Variants in PAM observed in about 807,000 individuals in gnomAD.
The protein encoded by PAM is peptidylglycine alpha-amidating monooxygenase, also known as peptidyl-glycine alpha-amidating monooxygenase.
PAM carries 72 observed loss-of-function variants against 122.1 expected under a neutral mutation model. The ratio of observed to expected loss-of-function variants is 0.59; its 90% CI spans 0.49 to 0.72. The LOEUF (loss-of-function observed/expected upper bound fraction) is 0.72. Ranked by LOEUF, PAM falls within the 30% of genes least tolerant of loss-of-function variation. PAM has a pLI of 0.00. For missense variants in PAM, 1,106 were observed against 1,183.7 expected, an observed-to-expected ratio of 0.93 and a Z score of 0.96; for synonymous variants, 389 against 404.4, an observed-to-expected ratio of 0.96 and a Z score of 0.46.
At chr5:102,878,405 A>G (rs1215396090) in intron 3 of PAM, among the ~76,000 whole-genome samples, 1 of 152,176 alleles carries the variant, frequency 6.6e-6, no homozygotes. Flanking sequence ...TGTATAGTAC[A>G]TAATACTTGA....
chr5:102,908,089 G>T (rs1363826753), intron 4 of PAM, among the ~76,000 whole-genome samples: 3 of 151,950 alleles, frequency 2.0e-5, no homozygotes, highest in Non-Finnish European at 4.4e-5. Context: ...TTTCTTCTAG[G>T]GTTTTTATGG....
chr5:102,904,708 T>C (rs1418827406), intron 4 of PAM, among the ~76,000 whole-genome samples: 3 of 151,622 alleles, frequency 2.0e-5, no homozygotes, highest in Non-Finnish European at 4.4e-5. Flanking sequence ...GACTTTCTCC[T>C]TGAACTTTTC....
chr5:103,030,486 A>T (rs934146349), downstream of PAM: 1 of 152,244 alleles, frequency 6.6e-6, no homozygotes, highest in Non-Finnish European at 1.5e-5. Context: ...ACTAATCATA[A>T]AGTACATGAG....
intron 5 of PAM, among the ~76,000 whole-genome samples, chr5:102,919,110 T>C (rs1275101954): frequency 6.6e-6 from 1 of 152,134 alleles, no homozygotes; most frequent in East Asian, 1.9e-4. Flanking sequence ...ATTCTCAAGC[T>C]AAAGCAGTAG....
chr5:102,932,595 A>G (rs994956046), intron 7 of PAM, among the ~76,000 whole-genome samples: 6 of 149,370 alleles, frequency 4.0e-5, no homozygotes, highest in African/African-American at 1.5e-4. Flanking sequence ...TTGTATATAT[A>G]TATCTGCACT....
chr5:102,869,128 G>A (rs939545383), intron 3 of PAM, among the ~76,000 whole-genome samples: 1 of 152,142 alleles, frequency 6.6e-6, no homozygotes, highest in African/African-American at 2.4e-5. Flanking sequence ...TGATTCCCAA[G>A]AGCTTCCTAC....
chr5:102,888,315 A>G (rs1488128664), intron 3 of PAM, among the ~76,000 whole-genome samples: 2 of 151,872 alleles, frequency 1.3e-5, no homozygotes, highest in African/African-American at 2.4e-5. Context: ...TGCCCATTGT[A>G]TCCTCCTTGC....
chr5:102,873,565 G>A (rs1788206418), intron 3 of PAM: 1 of 152,182 alleles, frequency 6.6e-6, no homozygotes, highest in Non-Finnish European at 1.5e-5. Context: ...CTACAGGCCC[G>A]ACCCTCGTCT....
At position 102,948,482 on chromosome 5, in the gene PAM, T is replaced by G. The variant is rs369498225; in HGVS notation, c.643+37T>G. On this transcript the variant is annotated intron_variant, in intron 9 of 25. Transcript: ENST00000438793. ...TTTTTTAATATTTACCATTACCTCA[T>G]TACCTAATCTGTAGAAATGGATTTA... 36 of 941,640 alleles carry G rather than the reference T, an allele frequency of 3.8e-5. No homozygotes were observed. The African/African-American group carries it at 5.4e-4, about 14-fold the overall frequency. The allele number at this position is 941,640 out of a possible 1,614,324, so 58.3% of individuals were successfully genotyped here.
intron 7 of PAM, among the ~76,000 whole-genome samples, chr5:102,934,920 G>T (rs536362224): frequency 6.6e-6 from 1 of 152,174 alleles, no homozygotes; most frequent in South Asian, 2.1e-4. Context: ...TTAGAACAAA[G>T]AAATTATTTC....
chr5:102,810,481 G>T (rs760543794), intron 1 of PAM, among the ~76,000 whole-genome samples: 1 of 152,166 alleles, frequency 6.6e-6, no homozygotes, highest in Non-Finnish European at 1.5e-5. Context: ...GACTTTTCCA[G>T]CATGAGATAA....
chr5:102,803,209 A>AGAAG (rs796322267), intron 1 of PAM, among the ~76,000 whole-genome samples: 4 of 31,150 alleles, frequency 1.3e-4, no homozygotes, highest in South Asian at 2.6e-3. Flanking sequence ...AAGGAAGGAA[A>AGAAG]GAAGGAAGGA....
chr5:102,821,424 T>G (rs567880488), intron 1 of PAM, among the ~76,000 whole-genome samples: 90 of 152,348 alleles, frequency 5.9e-4, no homozygotes, highest in Admixed American at 2.2e-3. Context: ...TAACTGGCGC[T>G]GTCTTCCTTC....
chr5:102,899,978 G>A (rs1182869588), intron 3 of PAM, among the ~76,000 whole-genome samples: 1 of 151,590 alleles, frequency 6.6e-6, no homozygotes, highest in Non-Finnish European at 1.5e-5. Flanking sequence ...ACTGGACTGA[G>A]AGCTGTGCGG....
intron 3 of PAM, among the ~76,000 whole-genome samples, chr5:102,889,920 T>C (rs1389588325): frequency 6.6e-6 from 1 of 151,940 alleles, no homozygotes; most frequent in Non-Finnish European, 1.5e-5. Context: ...ATGGCAGACT[T>C]TGTCTCATCC....
chr5:102,927,006 C>G (rs753661111), intron 7 of PAM, among the ~76,000 whole-genome samples: 6 of 151,952 alleles, frequency 3.9e-5, no homozygotes, highest in Non-Finnish European at 7.4e-5. Context: ...TAGGAAGGTA[C>G]TGGTTGTTTA....
chr5:102,767,423 G>T (rs1295891125), intron 1 of PAM, among the ~76,000 whole-genome samples: 1 of 152,090 alleles, frequency 6.6e-6, no homozygotes, highest in East Asian at 1.9e-4. Context: ...GACAGCCTTT[G>T]CTTGATGTTG....
chr5:102,989,819 G>GATAGATAA (rs1191551526), intron 15 of PAM: 2 of 152,066 alleles, frequency 1.3e-5, no homozygotes, highest in Non-Finnish European at 2.9e-5. Flanking sequence ...TAGATAGATA[G>GATAGATAA]ATAGATAGAT....
chr5:102,836,483 G>A (rs528938742), intron 1 of PAM, among the ~76,000 whole-genome samples: 8 of 152,168 alleles, frequency 5.3e-5, no homozygotes, highest in Non-Finnish European at 8.8e-5. Flanking sequence ...CTCCTACCTT[G>A]GCCTCCCAAA....
Sources: gnomAD v4.1 joint callset for allele counts (sites outside exome capture counted in the v4.1 genomes callset) on GRCh38, gnomAD v4.1.1 for gene constraint, MANE v1.5 for transcripts, NCBI Gene and HGNC (gene_info 2026-07-23, HGNC 2026-07-21) for gene names.